TAF3: variants seen among roughly 807,000 people sequenced by gnomAD.
The protein encoded by TAF3 is TATA-box binding protein associated factor 3.
A neutral mutation model predicts 80.6 loss-of-function variants in TAF3; 7 were observed. The ratio of observed to expected loss-of-function variants is 0.09; its 90% confidence interval spans 0.05 to 0.16. TAF3 has a LOEUF of 0.16. Among genes scored for constraint, TAF3 ranks in the 10% least tolerant of loss-of-function variants. The pLI, the probability that TAF3 is intolerant of heterozygous loss-of-function variation, is 1.00. For missense variants in TAF3, 921 were observed against 1,140.2 expected, an observed-to-expected ratio of 0.81 and a Z score of 2.77; for synonymous variants, 444 against 446.1, an observed-to-expected ratio of 1.00 and a Z score of 0.06.
intron 2 of TAF3, among the ~76,000 whole-genome samples, chr10:7,920,846 A>AT (rs1172351382): frequency 3.9e-5 from 6 of 152,164 alleles, no homozygotes; most frequent in Non-Finnish European, 8.8e-5. Flanking sequence ...AAAGTTAATA[A>AT]TTTTTTTAAC....
rs192962891 is a variant in TAF3, at chr10:7,926,806, A to G, written c.410-37114A>G. ...CTTTCAAGTTTAAGATTAGTAAGCA[A>G]TAGTTTTTAAACTTTGCTGCTATTT... On this transcript the variant is annotated intron_variant, in intron 2 of 6. Coordinates refer to ENST00000344293, the MANE Select transcript of TAF3 (RefSeq NM_031923.4). Among the ~76,000 whole-genome samples the G allele has an allele frequency of 6.6e-5, 10 of 152,330 alleles. No individual in the cohort carries two copies. In the East Asian group the frequency reaches 1.7e-3, roughly 26 times the overall value.
intron 1 of TAF3, among the ~76,000 whole-genome samples, chr10:7,823,187 T>A (rs1286202912): frequency 2.0e-5 from 3 of 152,218 alleles, no homozygotes; most frequent in African/African-American, 7.2e-5. Context: ...AAAATTGATT[T>A]AATGGTATAA....
rs556762141 is a variant in TAF3, at chr10:7,916,827, A to G, written c.410-47093A>G. 7.9e-5 allele frequency among the ~76,000 whole-genome samples: 12 copies of G among 152,264 alleles called. No individual in the cohort carries two copies. The South Asian group carries it at 8.3e-4, about 11-fold the overall frequency. The stretch of plus-strand genomic sequence containing the variant: ...CTTCTTTCAACAATGGTGCTTTTCA[A>G]TTTACTTACTATCTGAGCCATATTG... On this transcript the variant is annotated intron_variant, in intron 2 of 6. Transcript: ENST00000344293.
At chr10:7,878,179 G>C (rs1385048044) in intron 2 of TAF3, among the ~76,000 whole-genome samples, 2 of 152,166 alleles carry the variant, frequency 1.3e-5, no homozygotes, top group African/African-American at 4.8e-5. Context: ...CTGATTTTGT[G>C]AGGCCTAAAG....
rs1423446323 is a variant in TAF3 at position 8,016,504 on chromosome 10, G to C, written c.*1753G>C. 6.6e-6 allele frequency: 1 copy of C among 151,472 alleles called. No homozygotes were observed. Among genetic ancestry groups the C allele is most frequent in the Non-Finnish European group, 1.5e-5 (1 of 67,938 alleles). The allele number at this position is 151,472 out of a possible 1,614,324, so 9.4% of individuals were successfully genotyped here. Reference sequence around the variant, plus strand: ...TGTTGAGATATGTGTTTTTTTGTTTGATTAATTTGAGATCATTCTAAATAC... The same window carrying C: ...TGTTGAGATATGTGTTTTTTTGTTTCATTAATTTGAGATCATTCTAAATAC... On this transcript the variant is annotated 3_prime_UTR_variant, in exon 7 of 7. Coordinates refer to ENST00000344293, the MANE Select transcript of TAF3 (RefSeq NM_031923.4).
chr10:7,935,993 C>G (rs763723359), intron 2 of TAF3, among the ~76,000 whole-genome samples: 1 of 152,010 alleles, frequency 6.6e-6, no homozygotes, highest in Non-Finnish European at 1.5e-5. Context: ...TAGGGGCTCA[C>G]GGAGGGAAGC....
At chr10:7,902,432 A>T (rs1280774494) in intron 2 of TAF3, among the ~76,000 whole-genome samples, 1 of 152,112 alleles carries the variant, frequency 6.6e-6, no homozygotes, top group Non-Finnish European at 1.5e-5. Flanking sequence ...TTAAAAAAAA[A>T]TAATAAAAAA....
chr10:8,006,880 C>T (rs1245192421), intron 4 of TAF3, among the ~76,000 whole-genome samples: 1 of 152,188 alleles, frequency 6.6e-6, no homozygotes, highest in African/African-American at 2.4e-5. Flanking sequence ...AGTGTTTCTC[C>T]ACATTGAGGT....
intron 2 of TAF3, among the ~76,000 whole-genome samples, chr10:7,863,998 C>G (rs1377135966): frequency 6.6e-6 from 1 of 152,050 alleles, no homozygotes; most frequent in Non-Finnish European, 1.5e-5. Flanking sequence ...CTAAATTCAT[C>G]CTGCTCCTTC....
chr10:7,930,123 A>C (rs557515682), intron 2 of TAF3, among the ~76,000 whole-genome samples: 38 of 152,168 alleles, frequency 2.5e-4, no homozygotes, highest in Non-Finnish European at 3.8e-4. Context: ...ACTTGAGCCC[A>C]GGGAAGTCAA....
intron 2 of TAF3, among the ~76,000 whole-genome samples, chr10:7,929,611 A>G (rs1278578285): frequency 6.6e-6 from 1 of 151,996 alleles, no homozygotes; most frequent in Non-Finnish European, 1.5e-5. Context: ...TGACCTACTC[A>G]CCTCAACATC....
intron 2 of TAF3, among the ~76,000 whole-genome samples, chr10:7,877,497 A>G (rs1430432313): frequency 6.6e-6 from 1 of 152,214 alleles, no homozygotes; most frequent in Non-Finnish European, 1.5e-5. Flanking sequence ...ATTGTCATAG[A>G]AAGCACCTTG....
chr10:7,877,576 T>G (rs1837322503), intron 2 of TAF3, among the ~76,000 whole-genome samples: 1 of 152,206 alleles, frequency 6.6e-6, no homozygotes, highest in African/African-American at 2.4e-5. Context: ...ATTGTTAGAA[T>G]TTTCCAATAT....
chr10:7,824,256 A>T, intron 1 of TAF3, 62 bp from the exon 2 acceptor site: 3 of 1,546,174 alleles, frequency 1.9e-6, no homozygotes, highest in East Asian at 2.3e-5. Context: ...TTTTCTTAAT[A>T]TTTAAAAATA....
chr10:7,873,002 T>A (rs1837280853), intron 2 of TAF3, among the ~76,000 whole-genome samples: 1 of 152,142 alleles, frequency 6.6e-6, no homozygotes, highest in Non-Finnish European at 1.5e-5. Context: ...AAAGTCTCTA[T>A]AAGTAGTTTA....
chr10:7,839,117 C>T (rs538697159), intron 2 of TAF3, among the ~76,000 whole-genome samples: 23 of 152,074 alleles, frequency 1.5e-4, no homozygotes, highest in African/African-American at 2.4e-4. Context: ...CTCGTTGCTT[C>T]GTGCTTTACC....
At chr10:7,911,989 T>C (rs1209675641) in intron 2 of TAF3, among the ~76,000 whole-genome samples, 2 of 152,352 alleles carry the variant, frequency 1.3e-5, no homozygotes, top group Admixed American at 6.5e-5. Flanking sequence ...ACGAGTCATA[T>C]GCACTTTCGG....
intron 2 of TAF3, among the ~76,000 whole-genome samples, chr10:7,936,181 C>T (rs1188827858): frequency 6.6e-6 from 1 of 152,168 alleles, no homozygotes; most frequent in Admixed American, 6.5e-5. Flanking sequence ...TAGCTGTGTG[C>T]GCGTTGCTTT....
Position 7,818,758 on chromosome 10 carries a change from A to G in TAF3, c.49A>G (p.Ile17Val). The change falls in exon 1 of 7, where the codon ATC (isoleucine) becomes GTC (valine). Residue 17 changes from isoleucine to valine, a missense_variant. Ile to Val is a conservative substitution (Grantham distance 29, BLOSUM62 3). Transcript: ENST00000344293. Reference sequence around the variant, plus strand: ...GTTGTTGAGGGTCTCGGTGGCGCAGATCTGCCAGGCGCTGGGCTGGGACTC... The same window carrying G: ...GTTGTTGAGGGTCTCGGTGGCGCAGGTCTGCCAGGCGCTGGGCTGGGACTC... ...RSLLRVSVAQICQALGWDSVQ... is the reference protein window; with the variant it reads ...RSLLRVSVAQVCQALGWDSVQ... 6.4e-7 allele frequency: 1 copy of G among 1,559,700 alleles called. No individual in the cohort carries two copies. The highest frequency in any genetic ancestry group is 8.6e-7 in the Non-Finnish European group (1 of 1,158,754).
Sources: allele counts gnomAD v4.1 joint callset (sites outside exome capture counted in the v4.1 genomes callset), GRCh38; gene constraint gnomAD v4.1.1; transcripts MANE v1.5; gene names NCBI Gene and HGNC (gene_info 2026-07-23, HGNC 2026-07-21).